The following RRM2B variants were observed in gnomAD, a reference collection of about 807,000 sequenced individuals.
RRM2B encodes the protein ribonucleoside-diphosphate reductase subunit M2 B.
A neutral mutation model predicts 45.9 loss-of-function variants in RRM2B; 20 were observed. That is an observed-to-expected ratio of 0.44 (90% confidence interval 0.31 to 0.63). The LOEUF is 0.63. Ranked by LOEUF, RRM2B falls within the 30% of genes least tolerant of loss-of-function variation. The probability of loss-of-function intolerance (pLI) is 0.09; values close to 1 mark genes in which losing one functional copy is unlikely to be tolerated. For missense variants in RRM2B, 320 were observed against 414.7 expected, an observed-to-expected ratio of 0.77 and a Z score of 1.98; for synonymous variants, 124 against 132.3, an observed-to-expected ratio of 0.94 and a Z score of 0.43.
intron 4 of RRM2B, 31 bp downstream of exon 4, chr8:102,224,854 C>T: frequency 1.2e-6 from 2 of 1,606,354 alleles, no homozygotes; most frequent in South Asian, 2.2e-5. Context: ...AAGCCGTAAG[C>T]AATATTTTGT....
chr8:102,218,779 T>A, intron 6 of RRM2B, 35 bp downstream of exon 6: 7 of 1,391,904 alleles, frequency 5.0e-6, no homozygotes, highest in Non-Finnish European at 6.1e-6. Flanking sequence ...CAAATATGAA[T>A]ACAAATATAA....
chr8:102,230,844 A>G (rs1166102661), intron 2 of RRM2B, among the ~76,000 whole-genome samples: 2 of 152,342 alleles, frequency 1.3e-5, no homozygotes, highest in Admixed American at 1.3e-4. Context: ...ATAAATCCTC[A>G]TAACAACACA....
At chr8:102,225,636 G>T (rs1408803470) in intron 3 of RRM2B, among the ~76,000 whole-genome samples, 1 of 152,134 alleles carries the variant, frequency 6.6e-6, no homozygotes, top group African/African-American at 2.4e-5. Context: ...GAGCTCCAAA[G>T]GTTAAGGTGC....
Position 102,224,879 on chromosome 8 carries a change from C to A in RRM2B, c.455+6G>T, listed in dbSNP as rs767145845. 2 of 1,612,936 alleles carry A rather than the reference C, an allele frequency of 1.2e-6. No homozygotes were observed. Among genetic ancestry groups the A allele is most frequent in the Non-Finnish European group, 1.7e-6 (2 of 1,178,956 alleles). ...CAATATTTTGTAAATAAAATCCCAA[C>A]AATACCTTTTCTTGGGATCTCTGAT... On this transcript the variant is annotated splice_donor_region_variant and intron_variant, in intron 4 of 8. Coordinates refer to ENST00000251810, the MANE Select transcript of RRM2B (RefSeq NM_015713.5).
intron 1 of RRM2B, among the ~76,000 whole-genome samples, chr8:102,238,289 G>A (rs1292242667): frequency 2.0e-5 from 3 of 152,208 alleles, no homozygotes; most frequent in African/African-American, 7.2e-5. Context: ...AGCCGGGCCT[G>A]AGCAAAACTG....
At chr8:102,221,837 C>G (rs1329955140) in intron 5 of RRM2B, among the ~76,000 whole-genome samples, 2 of 152,122 alleles carry the variant, frequency 1.3e-5, no homozygotes, top group African/African-American at 4.8e-5. Context: ...CCTACCCATA[C>G]TAATATTTTC....
In RRM2B at chr8:102,212,862, C is replaced by T. The variant is rs387906891; in HGVS notation, c.817G>A (p.Gly273Ser). 4.0e-5 allele frequency: 65 copies of T among 1,607,068 alleles called. No individual in the cohort carries two copies. Among genetic ancestry groups the T allele is most frequent in the Non-Finnish European group, 4.9e-5 (57 of 1,174,148 alleles). ...QEFLTEALPV[G>S]LIGMNCILMK... ...AAAATGCAATTCATTCCAATGAGGC[C>T]AACTGGCAAGGCTTCTGTTAAAAAC... The change falls in exon 8 of 9, where the codon GGC becomes AGC. Residue 273 changes from glycine (G) to serine (S), a missense_variant. Gly to Ser is a moderately conservative substitution (Grantham distance 56). Transcript: ENST00000251810.
chr8:102,238,799 AG>A (rs750985453), intron 1 of RRM2B, 27 bp downstream of exon 1: 1 of 1,613,634 alleles, frequency 6.2e-7, no homozygotes, highest in Non-Finnish European at 8.5e-7. Context: ...GACTGCGGTG[AG>A]GGGGAAGACG....
chr8:102,218,993 A>G, intron 5 of RRM2B, 46 bp from the exon 6 acceptor site: 1 of 1,553,884 alleles, frequency 6.4e-7, no homozygotes, highest in South Asian at 1.1e-5. Context: ...TACTGCAAAC[A>G]TTTGCATATA....
chr8:102,229,480 TG>T (rs1311060898), intron 2 of RRM2B, among the ~76,000 whole-genome samples: 1 of 152,258 alleles, frequency 6.6e-6, no homozygotes, highest in African/African-American at 2.4e-5. Flanking sequence ...AGGAAATATT[TG>T]TCTTCATCTT....
chr8:102,210,160 C>T (rs888798144), intron 8 of RRM2B, among the ~76,000 whole-genome samples: 1 of 152,156 alleles, frequency 6.6e-6, no homozygotes, highest in South Asian at 2.1e-4. Flanking sequence ...GAATTGCATG[C>T]TATGTGACTT....
At chr8:102,216,146 A>G (rs1810727203) in intron 6 of RRM2B, among the ~76,000 whole-genome samples, 1 of 152,016 alleles carries the variant, frequency 6.6e-6, no homozygotes, top group Non-Finnish European at 1.5e-5. Flanking sequence ...AGTCTAATAA[A>G]ACCTTAATAG....
chr8:102,212,965 T>C (rs1810661302), intron 7 of RRM2B, 76 bp from the exon 8 acceptor site: 3 of 786,896 alleles, frequency 3.8e-6, no homozygotes, highest in East Asian at 5.4e-5. Flanking sequence ...AAGAGGACTT[T>C]CGTTTTATTT....
chr8:102,218,836 T>C lies in RRM2B; in HGVS notation c.662A>G (p.Asn221Ser), dbSNP rs863224193. The C allele has an allele frequency of 1.9e-6, 3 of 1,613,600 alleles. No homozygotes were observed. Among genetic ancestry groups the C allele is most frequent in the Admixed American group, 1.7e-5 (1 of 59,996 alleles). Reference sequence around the variant, plus strand: ...TACTTCATCTCTGCTGATGAGTTCATTGGAAAAAGTGAGTCCTGGCATAAG... The same window carrying C: ...TACTTCATCTCTGCTGATGAGTTCACTGGAAAAAGTGAGTCCTGGCATAAG... ...RGLMPGLTFS[N>S]ELISRDEGLH... The change falls in exon 6 of 9, where the codon AAT becomes AGT. Residue 221 changes from asparagine (N) to serine (S), a missense_variant. Asn to Ser is a conservative substitution (Grantham distance 46). Coordinates refer to ENST00000251810, the MANE Select transcript of RRM2B (RefSeq NM_015713.5).
chr8:102,227,619 G>A (rs1184661410), intron 2 of RRM2B, among the ~76,000 whole-genome samples: 1 of 152,172 alleles, frequency 6.6e-6, no homozygotes, highest in Admixed American at 6.5e-5. Flanking sequence ...GTCTTTAAAT[G>A]TACCTTCCCT....
chr8:102,227,333 C>T (rs1013840977), intron 2 of RRM2B, among the ~76,000 whole-genome samples: 8 of 151,840 alleles, frequency 5.3e-5, no homozygotes, highest in South Asian at 2.1e-4. Flanking sequence ...GGTTTCACTC[C>T]GTCACCCAGT....
intron 2 of RRM2B, among the ~76,000 whole-genome samples, chr8:102,229,746 G>T (rs1039300953): frequency 7.2e-5 from 11 of 151,956 alleles, no homozygotes; most frequent in African/African-American, 2.7e-4. Flanking sequence ...TGCCACGCCT[G>T]GCTAATTTTT....
At position 102,208,101 on chromosome 8, in the gene RRM2B, C is replaced by T. The variant is rs375150551; in HGVS notation, c.*32G>A. 67 of 1,583,412 alleles carry T rather than the reference C, an allele frequency of 4.2e-5. No homozygotes were observed. Among genetic ancestry groups the T allele is most frequent in the Non-Finnish European group, 5.3e-5 (61 of 1,155,050 alleles). On this transcript the variant is annotated 3_prime_UTR_variant, in exon 9 of 9. Coordinates refer to ENST00000251810, the MANE Select transcript of RRM2B (RefSeq NM_015713.5). ...AAAATAGACTACTATTTACCAATGA[C>T]AAGTTTATAGAGTTTTAAAACGAGA...
chr8:102,223,884 T>G (rs910432752), intron 5 of RRM2B, among the ~76,000 whole-genome samples, 162 bp downstream of exon 5: 6 of 152,334 alleles, frequency 3.9e-5, no homozygotes, highest in African/African-American at 1.4e-4. Flanking sequence ...CACCACTTTC[T>G]AATTAATTAT....
Sources: gnomAD v4.1 joint callset for allele counts (sites outside exome capture counted in the v4.1 genomes callset) on GRCh38, gnomAD v4.1.1 for gene constraint, MANE v1.5 for transcripts, NCBI Gene and HGNC (gene_info 2026-07-23, HGNC 2026-07-21) for gene names.